CRB1: variants seen among roughly 807,000 people sequenced by gnomAD.
CRB1 encodes the protein crumbs cell polarity complex component 1, also known as protein crumbs homolog 1.
In CRB1, 83 loss-of-function variants were observed where a neutral mutation model predicts 120.0. The observed-to-expected ratio is 0.69, with a 90% CI of 0.58 to 0.83. CRB1 has a LOEUF of 0.83. CRB1 is among the 40% of genes least tolerant of loss of function. CRB1 has a pLI of 0.00. For synonymous variants in CRB1, 625 were observed against 612.5 expected (o/e 1.02, Z -0.30); for missense variants, 1,699 against 1,687.6 (o/e 1.01, Z -0.12).
intron 5 of CRB1, among the ~76,000 whole-genome samples, chr1:197,384,577 T>G (rs951936837): frequency 2.0e-5 from 3 of 152,114 alleles, no homozygotes; most frequent in Non-Finnish European, 2.9e-5. Flanking sequence ...AGGTTTAGTC[T>G]TTGCTTGAAG....
At chr1:197,353,911 C>T (rs1660263064) in intron 4 of CRB1, among the ~76,000 whole-genome samples, 1 of 147,968 alleles carries the variant, frequency 6.8e-6, no homozygotes, top group Admixed American at 6.7e-5. Flanking sequence ...ATATGTGCAT[C>T]CTACTAAATT....
At chr1:197,430,611 T>C (rs1288077549) in intron 8 of CRB1, among the ~76,000 whole-genome samples, 1 of 152,162 alleles carries the variant, frequency 6.6e-6, no homozygotes, top group Non-Finnish European at 1.5e-5. Context: ...AACCCAGAGA[T>C]TCACAGGTCA....
chr1:197,209,053 A>G, the CRB1 span, among the ~76,000 whole-genome samples: 1 of 152,298 alleles, frequency 6.6e-6, no homozygotes, highest in East Asian at 1.9e-4. Flanking sequence ...ACAGCCCAAA[A>G]GGCCAGTCTC....
the CRB1 span, among the ~76,000 whole-genome samples, chr1:197,226,404 T>C: frequency 3.3e-5 from 5 of 152,264 alleles, no homozygotes; most frequent in Admixed American, 3.3e-4. Context: ...TGATTAGTGA[T>C]TGACTTTTAA....
chr1:197,304,842 T>G (rs879829506), intron 1 of CRB1, among the ~76,000 whole-genome samples: 1 of 152,202 alleles, frequency 6.6e-6, no homozygotes, highest in Admixed American at 6.5e-5. Context: ...TCACCAGTGT[T>G]CATTCACTTG....
chr1:197,309,920 A>G (rs188541391), intron 1 of CRB1, among the ~76,000 whole-genome samples: 17 of 152,260 alleles, frequency 1.1e-4, no homozygotes, highest in African/African-American at 4.1e-4. Context: ...TTCTAGCACA[A>G]TGGACACCTG....
chr1:197,466,458 C>T (rs1666753635), intron 11 of CRB1, among the ~76,000 whole-genome samples: 1 of 152,050 alleles, frequency 6.6e-6, no homozygotes, highest in African/African-American at 2.4e-5. Flanking sequence ...TAGGCTTGGA[C>T]CAAATAATTT....
chr1:197,378,092 T>C (rs930300371), intron 5 of CRB1, among the ~76,000 whole-genome samples: 2 of 152,242 alleles, frequency 1.3e-5, no homozygotes, highest in African/African-American at 4.8e-5. Context: ...GTAAGTTTTC[T>C]GGTTGTTTTT....
At chr1:197,317,088 C>G (rs1157937709) in intron 1 of CRB1, among the ~76,000 whole-genome samples, 1 of 152,102 alleles carries the variant, frequency 6.6e-6, no homozygotes, top group Non-Finnish European at 1.5e-5. Context: ...CAATGTACAC[C>G]TCTGCACCTG....
rs2125506382 is a variant in CRB1 at position 197,438,632 on chromosome 1, A to G, written c.3835A>G (p.Thr1279Ala). 3 of 1,612,864 alleles carry G rather than the reference A, an allele frequency of 1.9e-6. No homozygotes were observed. Among genetic ancestry groups the G allele is most frequent in the Non-Finnish European group, 2.5e-6 (3 of 1,179,060 alleles). Reference protein sequence around the residue: ...YNGGNCTEFQTELKCMCRPGF... With the variant: ...YNGGNCTEFQAELKCMCRPGF... ...TGGAGGCAACTGCACAGAGTTCCAG[A>G]CTGAATTAAAATGTATGTGCCGGCC... The change falls in exon 10 of 12, where the codon ACT becomes GCT. Residue 1279 changes from threonine to alanine, a missense_variant. Thr to Ala is a moderately conservative substitution (Grantham distance 58, BLOSUM62 0). Transcript: ENST00000367400.
intron 5 of CRB1, among the ~76,000 whole-genome samples, chr1:197,402,369 T>G (rs991587732): frequency 4.6e-5 from 7 of 152,298 alleles, no homozygotes; most frequent in African/African-American, 1.7e-4. Flanking sequence ...CCATCCATGT[T>G]CTCACAAAAG....
At chr1:197,441,177 T>C (rs1571569842) in intron 10 of CRB1, 1 of 152,164 alleles carries the variant, frequency 6.6e-6, no homozygotes, top group African/African-American at 2.4e-5. Flanking sequence ...ATTTCAACAT[T>C]ATAAGCTGCA....
chr1:197,364,165 T>G, intron 5 of CRB1: 2 of 528,038 alleles, frequency 3.8e-6, no homozygotes, highest in Admixed American at 3.2e-5. Context: ...TCTCCATCTC[T>G]TTTTTTTATA....
intron 8 of CRB1, among the ~76,000 whole-genome samples, chr1:197,432,793 A>T (rs909721949): frequency 1.3e-5 from 2 of 152,152 alleles, no homozygotes; most frequent in Non-Finnish European, 2.9e-5. Context: ...TAACTTGGAT[A>T]GTCAGGGAAA....
intron 1 of CRB1, among the ~76,000 whole-genome samples, chr1:197,286,840 G>A (rs542416996): frequency 3.3e-5 from 5 of 151,754 alleles, no homozygotes; most frequent in Non-Finnish European, 4.4e-5. Context: ...AAAGCCATAT[G>A]GTTATCAGAA....
chr1:197,427,613 T>A lies in CRB1; in HGVS notation c.2288T>A (p.Ile763Asn), dbSNP rs2125484063. Residue 763 changes from isoleucine to asparagine, a missense_variant, in exon 7 of 12, where the codon ATC (isoleucine) becomes AAC (asparagine). Ile to Asn is a moderately radical substitution (Grantham distance 149). Transcript: ENST00000367400. ...TTGGAAAACAGCACTTATCAATATA[T>A]CCGTGTCTGGCTAGAGCGCGGCAGA... ...LALENSTYQY[I>N]RVWLERGRLA... 6.2e-7 allele frequency: 1 copy of A among 1,613,992 alleles called. No individual in the cohort carries two copies. Among genetic ancestry groups the A allele is most frequent in the Non-Finnish European group, 8.5e-7 (1 of 1,179,988 alleles).
At chr1:197,382,865 C>G (rs983483073) in intron 5 of CRB1, among the ~76,000 whole-genome samples, 1 of 152,152 alleles carries the variant, frequency 6.6e-6, no homozygotes, top group East Asian at 1.9e-4. Flanking sequence ...AAGAAAGGTA[C>G]ACACATAAAA....
intron 5 of CRB1, among the ~76,000 whole-genome samples, chr1:197,386,522 C>T (rs1383317983): frequency 6.6e-6 from 1 of 152,146 alleles, no homozygotes; most frequent in Non-Finnish European, 1.5e-5. Flanking sequence ...TCCCTGAATT[C>T]ATATCTGTCC....
intron 7 of CRB1, among the ~76,000 whole-genome samples, 178 bp from the exon 8 acceptor site, chr1:197,429,271 A>C (rs1254950113): frequency 6.6e-6 from 1 of 152,164 alleles, no homozygotes; most frequent in African/African-American, 2.4e-5. Context: ...TTTAGAAAGG[A>C]GTTGGTAATG....
Sources: gnomAD v4.1 joint callset for allele counts (sites outside exome capture counted in the v4.1 genomes callset) on GRCh38, gnomAD v4.1.1 for gene constraint, MANE v1.5 for transcripts, NCBI Gene and HGNC (gene_info 2026-07-23, HGNC 2026-07-21) for gene names.